Variants in MAF observed in about 807,000 individuals in gnomAD.
MAF encodes transcription factor Maf.
MAF carries 10 observed loss-of-function variants against 22.0 expected under a neutral mutation model. That is an observed-to-expected ratio of 0.45 (90% CI 0.28 to 0.77). The LOEUF is 0.77. Among genes scored for constraint, MAF ranks in the 30% least tolerant of loss-of-function variants. The pLI is 0.12. For missense variants in MAF, 544 were observed against 548.4 expected (o/e 0.99, Z 0.08); for synonymous variants, 337 against 255.8 (o/e 1.32, Z -3.03).
chr16:79,496,861 T>G, the MAF span, among the ~76,000 whole-genome samples: 1 of 152,170 alleles, frequency 6.6e-6, no homozygotes, highest in Non-Finnish European at 1.5e-5. Context: ...GATCATCCAA[T>G]CATGACAAAT....
chr16:79,297,470 T>G, the MAF span, among the ~76,000 whole-genome samples: 1 of 152,174 alleles, frequency 6.6e-6, no homozygotes. Context: ...AGTCAGACTG[T>G]GAACGAGGAA....
At chr16:79,347,231 G>A in the MAF span, among the ~76,000 whole-genome samples, 3 of 152,234 alleles carry the variant, frequency 2.0e-5, no homozygotes. Context: ...TTTGACTGCA[G>A]CTGCACGTGT....
the MAF span, among the ~76,000 whole-genome samples, chr16:79,443,383 CAGGCCA>C: frequency 6.6e-6 from 1 of 152,172 alleles, no homozygotes; most frequent in Non-Finnish European, 1.5e-5. Flanking sequence ...CCATCACCTC[CAGGCCA>C]TATCTGGCAG....
chr16:79,274,512 C>T, the MAF span, among the ~76,000 whole-genome samples: 1 of 152,126 alleles, frequency 6.6e-6, no homozygotes, highest in Non-Finnish European at 1.5e-5. Flanking sequence ...GCACTGACAG[C>T]ACATGGACTT....
the MAF span, among the ~76,000 whole-genome samples, chr16:79,541,163 C>G: frequency 3.3e-5 from 5 of 152,164 alleles, no homozygotes; most frequent in Admixed American, 6.5e-5. Context: ...ATTGCTATCA[C>G]AATTACTTTT....
At chr16:79,564,579 G>A in the MAF span, among the ~76,000 whole-genome samples, 2 of 152,162 alleles carry the variant, frequency 1.3e-5, no homozygotes, top group East Asian at 1.9e-4. Flanking sequence ...CACCCACAGC[G>A]CCTTCTTTTG....
chr16:79,363,450 A>G, the MAF span, among the ~76,000 whole-genome samples: 3 of 152,172 alleles, frequency 2.0e-5, no homozygotes, highest in African/African-American at 7.2e-5. Context: ...CTAACACAAA[A>G]CCAATTGTAT....
the MAF span, among the ~76,000 whole-genome samples, chr16:79,498,885 CAG>C: frequency 2.6e-5 from 4 of 152,126 alleles, no homozygotes; most frequent in African/African-American, 9.7e-5. Flanking sequence ...GTGGAGTATA[CAG>C]AGACACTTCA....
the MAF span, among the ~76,000 whole-genome samples, chr16:79,510,778 T>C: frequency 5.0e-3 from 758 of 152,322 alleles, 3 homozygotes; most frequent in African/African-American, 0.017. Flanking sequence ...CATTTTCATT[T>C]TGTGTTGGGC....
the MAF span, among the ~76,000 whole-genome samples, chr16:79,218,685 A>T: frequency 6.6e-6 from 1 of 152,240 alleles, no homozygotes; most frequent in Admixed American, 6.5e-5. Flanking sequence ...CCTTATTTAA[A>T]GTATAAGCAT....
At chr16:79,546,085 A>G in the MAF span, among the ~76,000 whole-genome samples, 1 of 152,126 alleles carries the variant, frequency 6.6e-6, no homozygotes, top group Non-Finnish European at 1.5e-5. Flanking sequence ...CTACATTGGA[A>G]AAAATAAACA....
the MAF span, among the ~76,000 whole-genome samples, chr16:79,571,111 T>TAA: frequency 3.4e-3 from 480 of 142,548 alleles, 2 homozygotes; most frequent in Middle Eastern, 7.1e-3. Context: ...CATTTCCAGT[T>TAA]AAAAAAAAAA....
the MAF span, among the ~76,000 whole-genome samples, chr16:79,477,878 C>T: frequency 2.6e-5 from 4 of 151,928 alleles, no homozygotes; most frequent in Non-Finnish European, 5.9e-5. Context: ...GCGCGTGCCA[C>T]CAGGCCAGCT....
At chr16:79,448,481 G>A in the MAF span, among the ~76,000 whole-genome samples, 151,859 of 151,994 alleles carry the variant, frequency 1, 75,862 homozygotes, top group Middle Eastern at 1. Flanking sequence ...GCTGGAGTAC[G>A]GTGGTGCGAC....
the MAF span, among the ~76,000 whole-genome samples, chr16:79,517,728 T>A: frequency 2.6e-5 from 4 of 152,056 alleles, no homozygotes; most frequent in Non-Finnish European, 5.9e-5. Flanking sequence ...GCACCCGCCA[T>A]CATGCCCGGC....
chr16:79,303,515 G>A, the MAF span, among the ~76,000 whole-genome samples: 64 of 152,244 alleles, frequency 4.2e-4, 1 homozygote, highest in East Asian at 3.1e-3. Context: ...GACCTTAGGC[G>A]TTGTCTCACA....
chr16:79,402,610 G>C, the MAF span, among the ~76,000 whole-genome samples: 1 of 152,244 alleles, frequency 6.6e-6, no homozygotes, highest in Non-Finnish European at 1.5e-5. Context: ...GGAAGGCCAA[G>C]GTTAGCCAGC....
chr16:79,546,001 A>G, the MAF span, among the ~76,000 whole-genome samples: 1 of 152,260 alleles, frequency 6.6e-6, no homozygotes, highest in East Asian at 1.9e-4. Flanking sequence ...CATACTTTAA[A>G]ACATTATACA....
At chr16:79,496,327 TAA>T in the MAF span, among the ~76,000 whole-genome samples, 1 of 152,132 alleles carries the variant, frequency 6.6e-6, no homozygotes, top group Admixed American at 6.5e-5. Flanking sequence ...TTGTAACAAA[TAA>T]AAGACTCAAA....
Sources: gnomAD v4.1 joint callset for allele counts (sites outside exome capture counted in the v4.1 genomes callset) on GRCh38, gnomAD v4.1.1 for gene constraint, MANE v1.5 for transcripts, NCBI Gene and HGNC (gene_info 2026-07-23, HGNC 2026-07-21) for gene names.